THAP10: variants seen among roughly 807,000 people sequenced by gnomAD.
THAP10 encodes THAP domain containing 10.
THAP10 carries 10 observed loss-of-function variants against 15.7 expected under a neutral mutation model. The ratio of observed to expected loss-of-function variants is 0.64; its 90% CI spans 0.39 to 1.08. The LOEUF is 1.08. Ranked by LOEUF, THAP10 falls within the 50% of genes least tolerant of loss-of-function variation. The pLI is 0.01. For synonymous variants in THAP10, 127 were observed against 129.1 expected, an observed-to-expected ratio of 0.98 and a Z score of 0.11; for missense variants, 310 against 330.9, an observed-to-expected ratio of 0.94 and a Z score of 0.49.
Position 70,892,216 on chromosome 15 carries a change from C to A in THAP10, c.57G>T (p.Ser19=). Residue 19 remains serine (S), a synonymous_variant, in exon 1 of 3, where the codon TCG becomes TCT. Transcript: ENST00000249861. ...CCCGGTCCTTGGGAAAGCGGAACAG[C>A]GACTTCCCAGACTTGGTGGTGTTGC... is the stretch of plus-strand genomic sequence containing the variant. The part of the protein sequence containing the change: ...HCGNTTKSGK[S]LFRFPKDRAV... The A allele has an allele frequency of 1.3e-6, 2 of 1,599,628 alleles. No individual in the cohort carries two copies. Among genetic ancestry groups the A allele is most frequent in the Non-Finnish European group, 1.7e-6 (2 of 1,172,648 alleles).
chr15:70,885,737 T>C (rs2033389397), intron 1 of THAP10, among the ~76,000 whole-genome samples: 1 of 152,198 alleles, frequency 6.6e-6, no homozygotes, highest in African/African-American at 2.4e-5. Flanking sequence ...ATAGGTAGAA[T>C]TTGAAGATTA....
At position 70,882,430 on chromosome 15, in the gene THAP10, A is replaced by G; in HGVS notation, c.*24T>C. 6.4e-7 allele frequency: 1 copy of G among 1,571,298 alleles called. No homozygotes were observed. On this transcript the variant is annotated 3_prime_UTR_variant, in exon 3 of 3. Coordinates refer to ENST00000249861, the MANE Select transcript of THAP10 (RefSeq NM_020147.4). ...GTAAAGATTTGAAAATCTATAGCAC[A>G]TCAGAGCATTTGATGTTGAGTTTTT...
At chr15:70,886,330 ACAC>A (rs1387197006) in intron 1 of THAP10, among the ~76,000 whole-genome samples, 2 of 152,224 alleles carry the variant, frequency 1.3e-5, no homozygotes, top group African/African-American at 4.8e-5. Flanking sequence ...TCCTCTATCA[ACAC>A]CACTTTACTG....
At chr15:70,890,644 C>T (rs575288026) in intron 1 of THAP10, among the ~76,000 whole-genome samples, 2 of 152,010 alleles carry the variant, frequency 1.3e-5, no homozygotes, top group South Asian at 2.1e-4. Flanking sequence ...ATGGAGTACA[C>T]GAAGAATGAG....
rs1346148428 is a variant in THAP10 at position 70,881,714 on chromosome 15, G to A, written c.*740C>T. 6.6e-6 allele frequency: 1 copy of A among 152,154 alleles called. No individual in the cohort carries two copies. The highest frequency in any genetic ancestry group is 1.5e-5 in the Non-Finnish European group (1 of 68,026). 9.4% of individuals were successfully genotyped at this position (152,154 alleles called of 1,614,324 possible). ...TACCTAACACCTGCAATGGGAATACGTTAGAAATGTAGTACTTTTATTTTT... is the reference window on the plus strand; with the variant it reads ...TACCTAACACCTGCAATGGGAATACATTAGAAATGTAGTACTTTTATTTTT... On this transcript the variant is annotated 3_prime_UTR_variant, in exon 3 of 3. Transcript: ENST00000249861.
At chr15:70,886,000 T>A (rs1449453632) in intron 1 of THAP10, among the ~76,000 whole-genome samples, 2 of 152,172 alleles carry the variant, frequency 1.3e-5, no homozygotes, top group Non-Finnish European at 2.9e-5. Context: ...GTAGTGTAAT[T>A]GACCTAGAAA....
At chr15:70,883,274 C>T (rs1291374477) in intron 1 of THAP10, among the ~76,000 whole-genome samples, 1 of 151,908 alleles carries the variant, frequency 6.6e-6, no homozygotes, top group Non-Finnish European at 1.5e-5. Context: ...TCACTGCAAT[C>T]TCCGCCTGCC....
rs775449725 is a variant in THAP10 at position 70,892,286 on chromosome 15, G to C, written c.-14C>G. The C allele has an allele frequency of 8.4e-6, 13 of 1,554,654 alleles. No individual in the cohort carries two copies. Among genetic ancestry groups the C allele is most frequent in the South Asian group, 1.2e-5 (1 of 84,556 alleles). On this transcript the variant is annotated 5_prime_UTR_variant, in exon 1 of 3. Coordinates refer to ENST00000249861, the MANE Select transcript of THAP10 (RefSeq NM_020147.4). The stretch of plus-strand genomic sequence containing the variant: ...ACGGGCCGGCATGGCGGCCGTCTTC[G>C]GTGCGCGGGAGCCGGGTTCCCTGGA...
rs1460584440 is a variant in THAP10, at chr15:70,892,113, A to T, written c.160T>A (p.Cys54Ser). 2 of 1,614,014 alleles carry T rather than the reference A, an allele frequency of 1.2e-6. No homozygotes were observed. Among genetic ancestry groups the T allele is most frequent in the Middle Eastern group, 1.7e-4 (1 of 6,060 alleles). Reference sequence around the variant, plus strand: ...CAGGCTGGGGCAAAGTGGTCAGAGCAGATGACCGAGCGGTCATTGCCTCCG... The same window carrying T: ...CAGGCTGGGGCAAAGTGGTCAGAGCTGATGACCGAGCGGTCATTGCCTCCG... ...WYGGNDRSVI[C>S]SDHFAPACFD... The change falls in exon 1 of 3, where the codon TGC becomes AGC. Residue 54 changes from cysteine (C) to serine (S), a missense_variant. Transcript: ENST00000249861.
Position 70,891,852 on chromosome 15 carries a change from C to T in THAP10, c.421G>A (p.Ala141Thr), listed in dbSNP as rs750021722. Reference sequence around the variant, plus strand: ...CGGTGGTCTCTCTTTACCTGTGAAGCTGCAGCCTGCTTCCCAGCTCGGGGG... The same window carrying T: ...CGGTGGTCTCTCTTTACCTGTGAAGTTGCAGCCTGCTTCCCAGCTCGGGGG... ...TRPRAGKQAA[A>T]SQITCENELV... The change falls in exon 1 of 3, where the codon GCT (alanine) becomes ACT (threonine). Residue 141 changes from alanine to threonine, a missense_variant. Coordinates refer to ENST00000249861, the MANE Select transcript of THAP10 (RefSeq NM_020147.4). The T allele has an allele frequency of 6.3e-7, 1 of 1,591,932 alleles. No individual in the cohort carries two copies. Among genetic ancestry groups the T allele is most frequent in the Non-Finnish European group, 8.5e-7 (1 of 1,171,056 alleles).
chr15:70,884,709 ATATTTCTTTAC>A (rs575108302), intron 1 of THAP10, among the ~76,000 whole-genome samples: 18 of 152,340 alleles, frequency 1.2e-4, no homozygotes, highest in Non-Finnish European at 2.5e-4. Context: ...GAATAAACAC[ATATTTCTTTAC>A]AAAAAGGTGT....
chr15:70,886,761 G>A (rs542338506), intron 1 of THAP10, among the ~76,000 whole-genome samples: 156 of 152,194 alleles, frequency 1.0e-3, no homozygotes, highest in Non-Finnish European at 1.8e-3. Context: ...AGCTACTCGG[G>A]AGGCTGAGAC....
At chr15:70,888,581 G>GTT (rs2033470073) in intron 1 of THAP10, among the ~76,000 whole-genome samples, 1 of 152,092 alleles carries the variant, frequency 6.6e-6, no homozygotes, top group African/African-American at 2.4e-5. Context: ...ATAGTAAAAT[G>GTT]TTTTAAGTAT....
intron 1 of THAP10, among the ~76,000 whole-genome samples, chr15:70,887,475 C>T (rs2033440838): frequency 6.6e-6 from 1 of 152,040 alleles, no homozygotes; most frequent in African/African-American, 2.4e-5. Flanking sequence ...CATTTTAAAA[C>T]CAATCAATAT....
Position 70,882,779 on chromosome 15 carries a change from G to A in THAP10, c.559C>T (p.Pro187Ser), listed in dbSNP as rs755854309. 6.8e-6 allele frequency: 11 copies of A among 1,614,118 alleles called. No individual in the cohort carries two copies. The highest frequency in any genetic ancestry group is 1.7e-4 in the Middle Eastern group (1 of 6,060). ...HKSTQISLKR[P>S]RHRSVGIQAK... ...AACATACCCACACTACGGTGACGGG[G>A]CCTTTTCAAAGAAATTTGTGTACTT... The change falls in exon 2 of 3, where the codon CCC becomes TCC. Residue 187 changes from proline to serine, a missense_variant. Physicochemically the swap from Pro to Ser is moderately conservative, Grantham distance 74. Transcript: ENST00000249861.
chr15:70,891,436 A>G (rs1050228288), intron 1 of THAP10, among the ~76,000 whole-genome samples: 1 of 152,170 alleles, frequency 6.6e-6, no homozygotes, highest in African/African-American at 2.4e-5. Context: ...GACTTTCCTC[A>G]AGCTTATGTA....
chr15:70,889,302 GAACAA>G (rs1337698739), intron 1 of THAP10, among the ~76,000 whole-genome samples: 3 of 151,848 alleles, frequency 2.0e-5, no homozygotes, highest in Non-Finnish European at 4.4e-5. Context: ...ATGTAATGTT[GAACAA>G]AAGAAGCCAG....
Position 70,891,959 on chromosome 15 carries a change from T to A in THAP10, c.314A>T (p.Gln105Leu), listed in dbSNP as rs751079514. 8.1e-6 allele frequency: 13 copies of A among 1,613,576 alleles called. No individual in the cohort carries two copies. The highest frequency in any genetic ancestry group is 6.7e-5 in the Admixed American group (4 of 59,962). Residue 105 changes from glutamine (Q) to leucine (L), a missense_variant, in exon 1 of 3, where the codon CAA becomes CTA. Coordinates refer to ENST00000249861, the MANE Select transcript of THAP10 (RefSeq NM_020147.4). ...PAPKRGEEGD[Q>L]AGRLDTRGEL... ...TCCTCGCGTGTCCAGGCGGCCTGCTTGGTCTCCCTCCTCTCCCCTCTTAGG... is the reference window on the plus strand; with the variant it reads ...TCCTCGCGTGTCCAGGCGGCCTGCTAGGTCTCCCTCCTCTCCCCTCTTAGG...
chr15:70,884,631 C>T (rs978122112), intron 1 of THAP10, among the ~76,000 whole-genome samples: 4 of 152,042 alleles, frequency 2.6e-5, no homozygotes, highest in South Asian at 2.1e-4. Context: ...TTTATCTCCA[C>T]GTTTATTAAA....
Sources: allele counts gnomAD v4.1 joint callset (sites outside exome capture counted in the v4.1 genomes callset), GRCh38; gene constraint gnomAD v4.1.1; transcripts MANE v1.5; gene names NCBI Gene and HGNC (gene_info 2026-07-23, HGNC 2026-07-21).